Variants in XYLB observed in about 807,000 individuals in gnomAD.
The protein encoded by XYLB is xylulose kinase.
In XYLB, 62 loss-of-function variants were observed where a neutral mutation model predicts 78.7. The ratio of observed to expected loss-of-function variants is 0.79; its 90% CI spans 0.64 to 0.97. The LOEUF is 0.97. Among genes scored for constraint, XYLB ranks in the 50% least tolerant of loss-of-function variants. The probability of loss-of-function intolerance (pLI) is 0.00; values close to 1 mark genes in which losing one functional copy is unlikely to be tolerated. For missense variants in XYLB, 687 were observed against 676.8 expected (o/e 1.02, Z -0.17); for synonymous variants, 245 against 247.4 (o/e 0.99, Z 0.09).
At chr3:38,378,976 C>A (rs935432700) in intron 14 of XYLB, among the ~76,000 whole-genome samples, 1 of 151,838 alleles carries the variant, frequency 6.6e-6, no homozygotes, top group African/African-American at 2.4e-5. Flanking sequence ...GAATGGTAGA[C>A]AGAACTTGAA....
At chr3:38,380,528 A>T (rs1238881077) in intron 15 of XYLB, among the ~76,000 whole-genome samples, 7 of 152,184 alleles carry the variant, frequency 4.6e-5, no homozygotes, top group African/African-American at 1.7e-4. Flanking sequence ...CTCTATGGAC[A>T]ATCCAAGTTC....
chr3:38,379,216 T>C, intron 14 of XYLB, 30 bp from the exon 15 acceptor site: 5 of 1,609,614 alleles, frequency 3.1e-6, no homozygotes, highest in Non-Finnish European at 4.3e-6. Flanking sequence ...GAGAGTTCCT[T>C]ACTCTGTGCC....
intron 3 of XYLB, among the ~76,000 whole-genome samples, chr3:38,362,406 T>G (rs1706021909): frequency 6.6e-6 from 1 of 152,146 alleles, no homozygotes; most frequent in Non-Finnish European, 1.5e-5. Flanking sequence ...CCCAGCTAAA[T>G]TTTTCATTTT....
At chr3:38,387,792 C>T (rs1191305454) in intron 15 of XYLB, among the ~76,000 whole-genome samples, 1 of 152,150 alleles carries the variant, frequency 6.6e-6, no homozygotes, top group African/African-American at 2.4e-5. Context: ...TCTAGAATTT[C>T]CATTTCATTC....
At chr3:38,423,869 T>A (rs541859341), downstream of XYLB, among the ~76,000 whole-genome samples, 5 of 152,340 alleles carry the variant, frequency 3.3e-5, no homozygotes, top group African/African-American at 1.2e-4. Flanking sequence ...TACTACTCCT[T>A]ACTCCTACTT....
At chr3:38,361,739 T>C (rs1206887262) in intron 3 of XYLB, among the ~76,000 whole-genome samples, 1 of 152,182 alleles carries the variant, frequency 6.6e-6, no homozygotes, top group Non-Finnish European at 1.5e-5. Flanking sequence ...AACTTGATCC[T>C]AGCTCTGCCA....
Position 38,414,444 on chromosome 3 carries a change from G to C in XYLB, c.*1431G>C, listed in dbSNP as rs530018842. The C allele has an allele frequency of 2.0e-5, 3 of 152,262 alleles. No homozygotes were observed. In the East Asian group the frequency reaches 5.8e-4, roughly 29 times the overall value. The allele number at this position is 152,262 out of a possible 1,614,324, so 9.4% of individuals were successfully genotyped here. A position where few individuals can be genotyped will look rare whatever the true frequency, so the allele number is the denominator to read the frequency against. Reference sequence around the variant, plus strand: ...AGACAACTCCCCCTAGTACCACCTAGACATTACTTTTTAAAGACATTTTAC... The same window carrying C: ...AGACAACTCCCCCTAGTACCACCTACACATTACTTTTTAAAGACATTTTAC... On this transcript the variant is annotated 3_prime_UTR_variant, in exon 19 of 19. Transcript: ENST00000207870.
the XYLB span, among the ~76,000 whole-genome samples, chr3:38,436,515 C>T: frequency 6.6e-6 from 1 of 152,064 alleles, no homozygotes; most frequent in South Asian, 2.1e-4. Flanking sequence ...ACCAACCCTC[C>T]TAAAAACTAT....
chr3:38,371,995 G>A (rs1706591724), intron 9 of XYLB, among the ~76,000 whole-genome samples: 1 of 152,202 alleles, frequency 6.6e-6, no homozygotes, highest in African/African-American at 2.4e-5. Flanking sequence ...GAGAACACAT[G>A]CCTCCAAGAA....
intron 11 of XYLB, 26 bp from the exon 12 acceptor site, chr3:38,375,118 G>A: frequency 1.9e-6 from 3 of 1,596,544 alleles, no homozygotes; most frequent in South Asian, 1.1e-5. Flanking sequence ...AGCCCAAGGT[G>A]CCCACCTCTG....
chr3:38,390,277 A>G (rs939839184), intron 15 of XYLB, among the ~76,000 whole-genome samples: 3 of 151,694 alleles, frequency 2.0e-5, no homozygotes, highest in Admixed American at 1.3e-4. Flanking sequence ...GCAATGGTGC[A>G]TTCTCGGCTC....
chr3:38,363,475 T>C (rs1163367022), intron 4 of XYLB, among the ~76,000 whole-genome samples: 1 of 152,154 alleles, frequency 6.6e-6, no homozygotes, highest in African/African-American at 2.4e-5. Flanking sequence ...CAGATACAAC[T>C]CTGAGGCCTT....
intron 18 of XYLB, among the ~76,000 whole-genome samples, chr3:38,405,451 G>A (rs1054443896): frequency 6.6e-6 from 1 of 151,500 alleles, no homozygotes; most frequent in Non-Finnish European, 1.5e-5. Context: ...CCCAGCATGA[G>A]CAACGCAGAA....
chr3:38,393,204 G>A (rs970461319), intron 15 of XYLB, among the ~76,000 whole-genome samples: 2 of 151,944 alleles, frequency 1.3e-5, no homozygotes, highest in Non-Finnish European at 1.5e-5. Context: ...AGGCTGGAGT[G>A]CAGCGGCGCG....
chr3:38,397,823 C>T (rs199948562), intron 17 of XYLB, among the ~76,000 whole-genome samples: 3 of 138,620 alleles, frequency 2.2e-5, no homozygotes, highest in Non-Finnish European at 4.6e-5. Context: ...TTTTTCTTTT[C>T]TTTTTTTTTT....
intron 15 of XYLB, among the ~76,000 whole-genome samples, chr3:38,389,896 C>G (rs1707578242): frequency 6.6e-6 from 1 of 152,156 alleles, no homozygotes; most frequent in Non-Finnish European, 1.5e-5. Flanking sequence ...CATACCAGCC[C>G]AAATGTAGTT....
chr3:38,412,593 G>T (rs1708639238), intron 18 of XYLB, among the ~76,000 whole-genome samples: 1 of 152,140 alleles, frequency 6.6e-6, no homozygotes, highest in Admixed American at 6.5e-5. Context: ...CCTTAATACA[G>T]ATATAAAGTC....
intron 14 of XYLB, among the ~76,000 whole-genome samples, chr3:38,378,204 C>T (rs1706963129): frequency 1.3e-5 from 2 of 152,194 alleles, no homozygotes; most frequent in African/African-American, 4.8e-5. Context: ...AGTTTGGTTT[C>T]TTTTGTTAGA....
the XYLB span, among the ~76,000 whole-genome samples, chr3:38,427,121 T>A: frequency 6.6e-6 from 1 of 152,230 alleles, no homozygotes; most frequent in Non-Finnish European, 1.5e-5. Context: ...AATGTGTGGG[T>A]CAAGCTCTGT....
Sources: allele counts gnomAD v4.1 joint callset (sites outside exome capture counted in the v4.1 genomes callset), GRCh38; gene constraint gnomAD v4.1.1; transcripts MANE v1.5; gene names NCBI Gene and HGNC (gene_info 2026-07-23, HGNC 2026-07-21).